The following PDE3B variants were observed in gnomAD, a reference collection of about 807,000 sequenced individuals.
The protein encoded by PDE3B is cGMP-inhibited 3',5'-cyclic phosphodiesterase 3B.
In PDE3B, 66 loss-of-function variants were observed where a neutral mutation model predicts 116.8. The observed-to-expected ratio is 0.56, with a 90% CI of 0.46 to 0.69. The LOEUF (loss-of-function observed/expected upper bound fraction) is 0.69. Ranked by LOEUF, PDE3B falls within the 30% of genes least tolerant of loss-of-function variation. PDE3B has a pLI of 0.00. For synonymous variants in PDE3B, 595 were observed against 533.6 expected (o/e 1.12, Z -1.59); for missense variants, 1,384 against 1,368.1 (o/e 1.01, Z -0.18).
intron 1 of PDE3B, among the ~76,000 whole-genome samples, chr11:14,655,950 A>G (rs1448686698): frequency 6.6e-6 from 1 of 152,178 alleles, no homozygotes; most frequent in Non-Finnish European, 1.5e-5. Flanking sequence ...ATTCAGTGGA[A>G]GATGTTGGAA....
intron 1 of PDE3B, among the ~76,000 whole-genome samples, chr11:14,661,561 A>G (rs544792933): frequency 6.6e-6 from 1 of 152,320 alleles, no homozygotes; most frequent in South Asian, 2.1e-4. Context: ...AGTCAAAGAA[A>G]GGGGTGACAG....
intron 7 of PDE3B, among the ~76,000 whole-genome samples, chr11:14,824,820 G>A (rs1859636971): frequency 1.3e-5 from 2 of 152,118 alleles, no homozygotes; most frequent in South Asian, 4.1e-4. Context: ...TCATCCCCAA[G>A]ATGCATAATC....
chr11:14,644,432 G>A lies in PDE3B; in HGVS notation c.357G>A (p.Leu119=), dbSNP rs751966148. The part of the protein sequence containing the change: ...RTLLSVCSHS[L]SPLFSIACAF... ...TGCTGAGCGTGTGTTCGCACAGCTT[G>A]AGCCCCCTCTTCAGCATCGCCTGTG... The change falls in exon 1 of 16, where the codon TTG becomes TTA. Residue 119 remains leucine (L), a synonymous_variant. Coordinates refer to ENST00000282096, the MANE Select transcript of PDE3B (RefSeq NM_000922.4). 3.1e-6 allele frequency: 5 copies of A among 1,612,740 alleles called. No homozygotes were observed. The highest frequency in any genetic ancestry group is 4.2e-6 in the Non-Finnish European group (5 of 1,179,554).
chr11:14,762,856 G>T (rs780793646), intron 1 of PDE3B, among the ~76,000 whole-genome samples: 13 of 152,226 alleles, frequency 8.5e-5, no homozygotes, highest in Non-Finnish European at 1.9e-4. Context: ...CTAAGCCAAG[G>T]TAATGATGGG....
chr11:14,721,844 GCAGCACACCAGCATGGCA>G lies in PDE3B; in HGVS notation c.979-50090_979-50073del, dbSNP rs751520634. On this transcript the variant is annotated intron_variant, in intron 1 of 15. Coordinates refer to ENST00000282096, the MANE Select transcript of PDE3B (RefSeq NM_000922.4). ...AATGCTAGATGACGAGTTAGTGGGT[GCAGCACACCAGCATGGCA>G]CATGTATACATATGTAACTAACCTG... Among the ~76,000 whole-genome samples the G allele has an allele frequency of 1.7e-4, 23 of 135,364 alleles. No homozygotes were observed. The East Asian group carries it at 4.8e-3, about 28-fold the overall frequency. The allele number at this position is 135,364 out of a possible 152,430, so 88.8% of individuals were successfully genotyped here.
chr11:14,654,821 CACACACACACAG>C (rs926111390), intron 1 of PDE3B, among the ~76,000 whole-genome samples: 3 of 151,074 alleles, frequency 2.0e-5, no homozygotes, highest in African/African-American at 7.4e-5. Context: ...CACACACACA[CACACACACACAG>C]AGCTAGTGCA....
At chr11:14,688,381 C>G (rs568950656) in intron 1 of PDE3B, among the ~76,000 whole-genome samples, 1 of 152,150 alleles carries the variant, frequency 6.6e-6, no homozygotes, top group African/African-American at 2.4e-5. Context: ...AGCAAATAGA[C>G]ATACGTCAGT....
intron 1 of PDE3B, among the ~76,000 whole-genome samples, chr11:14,702,735 A>G (rs1335953285): frequency 2.6e-5 from 4 of 151,950 alleles, no homozygotes; most frequent in South Asian, 4.1e-4. Context: ...AGAACATTAG[A>G]CAGTGCAGAT....
At chr11:14,733,118 C>G (rs1479640575) in intron 1 of PDE3B, among the ~76,000 whole-genome samples, 1 of 152,124 alleles carries the variant, frequency 6.6e-6, no homozygotes, top group Admixed American at 6.6e-5. Context: ...AAATGGCATT[C>G]AGATTCCCGT....
chr11:14,835,372 C>T (rs902906457), intron 11 of PDE3B, among the ~76,000 whole-genome samples: 2 of 152,032 alleles, frequency 1.3e-5, no homozygotes, highest in African/African-American at 2.4e-5. Context: ...TTCCCCCATT[C>T]TTTTGTTTTC....
At position 14,848,921 on chromosome 11, in the gene PDE3B, T is replaced by C. The variant is rs1847675140; in HGVS notation, c.2520+4895T>C. ...AAATGGCCTTACTGCCCAAGGTAAT[T>C]TATAGATTCAATGCCATCCCCATCA... On this transcript the variant is annotated intron_variant, in intron 12 of 15. Coordinates refer to ENST00000282096, the MANE Select transcript of PDE3B (RefSeq NM_000922.4). Among the ~76,000 whole-genome samples, 2 of 152,150 alleles carry C rather than the reference T, an allele frequency of 1.3e-5. 1 individual carries two copies. Among genetic ancestry groups the C allele is most frequent in the South Asian group, 4.1e-4 (2 of 4,834 alleles).
intron 1 of PDE3B, among the ~76,000 whole-genome samples, chr11:14,760,691 T>C (rs1857336305): frequency 6.6e-6 from 1 of 152,200 alleles, no homozygotes; most frequent in African/African-American, 2.4e-5. Context: ...CAGTCATAAG[T>C]TGACAATTCT....
At chr11:14,869,377 G>A (rs1415319496) in intron 15 of PDE3B, 84 bp from the exon 16 acceptor site, 1 of 1,042,160 alleles carries the variant, frequency 9.6e-7, no homozygotes, top group Non-Finnish European at 1.4e-6. Flanking sequence ...CCAGTGCTTA[G>A]ATACCTAGAA....
At chr11:14,679,183 T>G (rs1051861097) in intron 1 of PDE3B, among the ~76,000 whole-genome samples, 2 of 152,222 alleles carry the variant, frequency 1.3e-5, no homozygotes, top group Non-Finnish European at 2.9e-5. Context: ...TTCTTATCTT[T>G]TTTTTTTCAA....
chr11:14,800,375 G>A (rs561913199), intron 4 of PDE3B, among the ~76,000 whole-genome samples: 1 of 152,274 alleles, frequency 6.6e-6, no homozygotes, highest in African/African-American at 2.4e-5. Flanking sequence ...TGAGGCAGGA[G>A]AATTGCTTGA....
Position 14,667,037 on chromosome 11 carries a change from A to G in PDE3B, c.978+21984A>G, listed in dbSNP as rs180817337. 1.6e-3 allele frequency among the ~76,000 whole-genome samples: 240 copies of G among 152,304 alleles called. 7 individuals carry two copies. In the East Asian group the frequency reaches 0.04, roughly 26 times the overall value. On this transcript the variant is annotated intron_variant, in intron 1 of 15. Coordinates refer to ENST00000282096, the MANE Select transcript of PDE3B (RefSeq NM_000922.4). ...TAGCAAAGACTTGGAACCAACCCAAATGTCCAACAATGATAGACTGGATGA... is the reference window on the plus strand; with the variant it reads ...TAGCAAAGACTTGGAACCAACCCAAGTGTCCAACAATGATAGACTGGATGA...
chr11:14,713,844 A>T (rs1002689418), intron 1 of PDE3B, among the ~76,000 whole-genome samples: 1 of 152,224 alleles, frequency 6.6e-6, no homozygotes, highest in African/African-American at 2.4e-5. Context: ...TCGTATAAGC[A>T]GGATTTCAGT....
intron 4 of PDE3B, among the ~76,000 whole-genome samples, chr11:14,801,607 G>A (rs1015649574): frequency 2.0e-5 from 3 of 152,188 alleles, no homozygotes; most frequent in Admixed American, 1.3e-4. Flanking sequence ...AGGATACATG[G>A]GGGTCAGGGA....
intron 7 of PDE3B, among the ~76,000 whole-genome samples, chr11:14,828,923 A>G (rs1204338577): frequency 6.6e-6 from 1 of 152,232 alleles, no homozygotes; most frequent in Non-Finnish European, 1.5e-5. Flanking sequence ...ATATCCACCA[A>G]TGATAGATTG....
Sources: allele counts gnomAD v4.1 joint callset (sites outside exome capture counted in the v4.1 genomes callset), GRCh38; gene constraint gnomAD v4.1.1; transcripts MANE v1.5; gene names NCBI Gene and HGNC (gene_info 2026-07-23, HGNC 2026-07-21).